The following ACOXL variants were observed in gnomAD, a reference collection of about 807,000 sequenced individuals.
ACOXL encodes the protein acyl-CoA oxidase like.
ACOXL carries 70 observed loss-of-function variants against 71.9 expected under a neutral mutation model. The observed-to-expected ratio is 0.97, with a 90% CI of 0.80 to 1.19. ACOXL has a LOEUF of 1.19. ACOXL is among the 50% of genes most tolerant of loss of function. ACOXL has a pLI of 0.00. For synonymous variants in ACOXL, 253 were observed against 281.6 expected (o/e 0.90, Z 1.02); for missense variants, 703 against 736.3 (o/e 0.95, Z 0.52).
At chr2:110,977,680 A>G (rs1490172841) in intron 12 of ACOXL, among the ~76,000 whole-genome samples, 1 of 152,220 alleles carries the variant, frequency 6.6e-6, no homozygotes, top group Non-Finnish European at 1.5e-5. Context: ...GTTCCTCATC[A>G]GGACTCCACG....
intron 1 of ACOXL, among the ~76,000 whole-genome samples, chr2:110,763,494 C>A (rs1372617984): frequency 2.6e-5 from 4 of 152,132 alleles, no homozygotes; most frequent in Non-Finnish European, 5.9e-5. Context: ...ACAACCCCCA[C>A]CCCCACATAA....
intron 12 of ACOXL, among the ~76,000 whole-genome samples, chr2:110,964,428 T>G (rs1054127048): frequency 6.6e-6 from 1 of 152,236 alleles, no homozygotes; most frequent in Non-Finnish European, 1.5e-5. Context: ...AATTTAAAAC[T>G]TATGATACGG....
chr2:110,987,368 C>T (rs1395827898), intron 13 of ACOXL, 151 bp downstream of exon 13: 2 of 657,330 alleles, frequency 3.0e-6, no homozygotes, highest in Non-Finnish European at 2.6e-6. Flanking sequence ...AATACTCATA[C>T]ACTCACTACC....
chr2:110,930,722 T>C (rs1225838818), intron 11 of ACOXL, among the ~76,000 whole-genome samples: 1 of 152,214 alleles, frequency 6.6e-6, no homozygotes, highest in Non-Finnish European at 1.5e-5. Context: ...CGCTATACTC[T>C]TCTCATGGTA....
chr2:111,032,251 CG>C (rs149968979), intron 15 of ACOXL, among the ~76,000 whole-genome samples: 3,226 of 152,222 alleles, frequency 0.021, 117 homozygotes, highest in African/African-American at 0.074. Context: ...TGTTTAGAGA[CG>C]TTTTTGGTTG....
chr2:110,962,787 A>C (rs949183393), intron 12 of ACOXL, among the ~76,000 whole-genome samples: 3 of 152,196 alleles, frequency 2.0e-5, no homozygotes, highest in African/African-American at 7.2e-5. Context: ...CACTGCACAT[A>C]CTCCTGGGAG....
At chr2:111,009,840 T>G (rs2064060659) in intron 14 of ACOXL, among the ~76,000 whole-genome samples, 1 of 152,238 alleles carries the variant, frequency 6.6e-6, no homozygotes, top group African/African-American at 2.4e-5. Context: ...GGAGTAAAAC[T>G]ATGTCTCAGG....
chr2:110,876,820 CATT>C (rs1159327954), intron 10 of ACOXL, among the ~76,000 whole-genome samples: 1 of 152,174 alleles, frequency 6.6e-6, no homozygotes, highest in Non-Finnish European at 1.5e-5. Context: ...CTGCTCTAGG[CATT>C]ATAGGGATAC....
chr2:110,796,494 C>T (rs1461034803), intron 5 of ACOXL, among the ~76,000 whole-genome samples: 4 of 152,158 alleles, frequency 2.6e-5, no homozygotes, highest in Non-Finnish European at 5.9e-5. Flanking sequence ...AAGCATTTTG[C>T]CAGAAGTGAC....
intron 11 of ACOXL, among the ~76,000 whole-genome samples, chr2:110,915,275 A>T (rs1048687043): frequency 6.6e-6 from 1 of 150,702 alleles, no homozygotes; most frequent in African/African-American, 2.4e-5. Flanking sequence ...GAAATGAGTT[A>T]CATTACTTTT....
chr2:110,860,787 TG>T (rs1312416255), intron 10 of ACOXL, among the ~76,000 whole-genome samples: 1 of 152,152 alleles, frequency 6.6e-6, no homozygotes, highest in Non-Finnish European at 1.5e-5. Flanking sequence ...CAAGCACATG[TG>T]TAGAAGAGCA....
At chr2:111,055,286 A>G (rs538387482) in intron 16 of ACOXL, among the ~76,000 whole-genome samples, 1 of 152,320 alleles carries the variant, frequency 6.6e-6, no homozygotes, top group Admixed American at 6.5e-5. Flanking sequence ...CCCACCTCAC[A>G]GGCGGCTAGC....
At chr2:110,857,168 A>G (rs912074471) in intron 10 of ACOXL, among the ~76,000 whole-genome samples, 2 of 152,128 alleles carry the variant, frequency 1.3e-5, no homozygotes, top group South Asian at 4.1e-4. Flanking sequence ...GCAACTCAAC[A>G]TGTCAGTTTT....
chr2:111,095,715 C>T (rs1416251456), intron 17 of ACOXL, among the ~76,000 whole-genome samples: 2 of 152,098 alleles, frequency 1.3e-5, no homozygotes, highest in Non-Finnish European at 2.9e-5. Context: ...TACAGTGCCA[C>T]ATGCTTTCCA....
At chr2:110,865,028 A>AGCTTT (rs67612144) in intron 10 of ACOXL, among the ~76,000 whole-genome samples, 2,680 of 151,808 alleles carry the variant, frequency 0.018, 39 homozygotes, top group Middle Eastern at 0.052. Flanking sequence ...AACTCTGCTG[A>AGCTTT]GTTTCTTATG....
At chr2:110,735,597 C>T (rs1014969148) in intron 1 of ACOXL, among the ~76,000 whole-genome samples, 4 of 152,204 alleles carry the variant, frequency 2.6e-5, no homozygotes, top group African/African-American at 9.7e-5. Context: ...CTCCCAGGGG[C>T]AATGTAGGCA....
intron 12 of ACOXL, among the ~76,000 whole-genome samples, chr2:110,948,925 G>A (rs1229561413): frequency 5.9e-5 from 9 of 151,980 alleles, no homozygotes. Context: ...CATAGATGGT[G>A]TTTGTTTAAA....
Position 111,117,908 on chromosome 2 carries a change from C to A in ACOXL, c.*92C>A. On this transcript the variant is annotated 3_prime_UTR_variant, in exon 18 of 18. Transcript: ENST00000439055. ...AGCTGTGGCCGAGGCCGGGGGCTGG[C>A]ACCCGCTGGGCCGCCACTCTCGGGG... The A allele has an allele frequency of 7.2e-7, 1 of 1,390,780 alleles. No homozygotes were observed. The highest frequency in any genetic ancestry group is 9.6e-7 in the Non-Finnish European group (1 of 1,045,208). 86.2% of individuals were successfully genotyped at this position (1,390,780 alleles called of 1,614,324 possible).
intron 16 of ACOXL, among the ~76,000 whole-genome samples, chr2:111,067,383 G>T (rs1325547475): frequency 6.6e-6 from 1 of 152,024 alleles, no homozygotes; most frequent in Non-Finnish European, 1.5e-5. Context: ...CCAATTTAAG[G>T]TGCATTTTTA....
Sources: gnomAD v4.1 joint callset for allele counts (sites outside exome capture counted in the v4.1 genomes callset) on GRCh38, gnomAD v4.1.1 for gene constraint, MANE v1.5 for transcripts, NCBI Gene and HGNC (gene_info 2026-07-23, HGNC 2026-07-21) for gene names.